Variants in SLIT1 observed in about 807,000 individuals in gnomAD.
The protein encoded by SLIT1 is slit homolog 1 protein.
In SLIT1, 66 loss-of-function variants were observed where a neutral mutation model predicts 186.1. The observed-to-expected ratio is 0.35, with a 90% CI of 0.29 to 0.44. The LOEUF is 0.44. Among genes scored for constraint, SLIT1 ranks in the 20% least tolerant of loss-of-function variants. The pLI is 1.00. For synonymous variants in SLIT1, 761 were observed against 833.8 expected, an observed-to-expected ratio of 0.91 and a Z score of 1.50; for missense variants, 1,638 against 2,037.4, an observed-to-expected ratio of 0.80 and a Z score of 3.77.
chr10:97,040,056 G>C lies in SLIT1; in HGVS notation c.2229C>G (p.Thr743=). The C allele has an allele frequency of 1.9e-6, 3 of 1,612,332 alleles. No individual in the cohort carries two copies. Among genetic ancestry groups the C allele is most frequent in the African/African-American group, 1.3e-5 (1 of 74,998 alleles). The change falls in exon 21 of 37, where the codon ACC becomes ACG. Residue 743 remains threonine (T), a synonymous_variant. Coordinates refer to ENST00000266058, the MANE Select transcript of SLIT1 (RefSeq NM_003061.3). ...GGTGCTTGTTGCTGCATCGGACCAC[G>C]GTGTCCAGGCAGGCGCACTCCTGTG... The part of the protein sequence containing the change: ...QCPQECACLD[T]VVRCSNKHLR...
At chr10:97,112,247 C>A (rs1476613863) in intron 4 of SLIT1, among the ~76,000 whole-genome samples, 2 of 151,980 alleles carry the variant, frequency 1.3e-5, no homozygotes, top group East Asian at 3.9e-4. Context: ...CACTCCCTGA[C>A]AGAGCGCCCT....
intron 1 of SLIT1, among the ~76,000 whole-genome samples, chr10:97,165,902 C>G (rs771412529): frequency 1.3e-5 from 2 of 152,154 alleles, no homozygotes. Context: ...CAGCCTCGCT[C>G]AGCCTCACCA....
At chr10:97,025,145 C>T (rs1848533749) in intron 25 of SLIT1, among the ~76,000 whole-genome samples, 2 of 152,130 alleles carry the variant, frequency 1.3e-5, no homozygotes, top group South Asian at 4.2e-4. Context: ...TGACAGGCGC[C>T]TGTAATCCCA....
intron 4 of SLIT1, among the ~76,000 whole-genome samples, chr10:97,143,801 G>T (rs781239444): frequency 4.6e-5 from 7 of 152,190 alleles, no homozygotes; most frequent in African/African-American, 7.2e-5. Context: ...CTGCCTCCAC[G>T]AACTTCTAAT....
chr10:97,034,589 C>CGTGAATGTGAGCCAGGGCTGAG, intron 22 of SLIT1, 47 bp from the exon 23 acceptor site: 1 of 1,527,260 alleles, frequency 6.5e-7, no homozygotes, highest in Non-Finnish European at 9.1e-7. Flanking sequence ...TCACTCAGCC[C>CGTGAATGTGAGCCAGGGCTGAG]TGGCTCACAT....
chr10:97,131,954 G>C (rs1849658520), intron 4 of SLIT1, among the ~76,000 whole-genome samples: 1 of 152,202 alleles, frequency 6.6e-6, no homozygotes, highest in Non-Finnish European at 1.5e-5. Context: ...ACCCAGCCCG[G>C]CCCCCAAGTC....
intron 11 of SLIT1, chr10:97,057,933 G>C: frequency 1.4e-6 from 1 of 714,714 alleles, no homozygotes; most frequent in Non-Finnish European, 2.6e-6. Context: ...TATCATAATC[G>C]GACCCCACAA....
At position 97,049,046 on chromosome 10, in the gene SLIT1, G is replaced by A; in HGVS notation, c.1374C>T (p.Pro458=). 6.2e-7 allele frequency: 1 copy of A among 1,613,176 alleles called. No homozygotes were observed. The highest frequency in any genetic ancestry group is 1.1e-5 in the South Asian group (1 of 91,084). Residue 458 remains proline (P), a synonymous_variant, in exon 14 of 37, where the codon CCC becomes CCT. Coordinates refer to ENST00000266058, the MANE Select transcript of SLIT1 (RefSeq NM_003061.3). ...CACAGCGGGCACCACTCGTCTCGAT[G>A]GGATTGGTGCGCAGGAAGTCTGCCA... ...KWLADFLRTN[P]IETSGARCAS...
intron 4 of SLIT1, among the ~76,000 whole-genome samples, chr10:97,137,241 A>G (rs1442397937): frequency 6.6e-6 from 1 of 152,102 alleles, no homozygotes; most frequent in Non-Finnish European, 1.5e-5. Context: ...GGAGAGAGAC[A>G]TCTTCGAGGC....
At chr10:97,013,061 C>T (rs536452407) in intron 30 of SLIT1, among the ~76,000 whole-genome samples, 52 of 152,352 alleles carry the variant, frequency 3.4e-4, no homozygotes, top group South Asian at 1.0e-3. Context: ...CCCAAACCTC[C>T]TGGGACCAGA....
intron 35 of SLIT1, 53 bp from the exon 36 acceptor site, chr10:97,002,422 C>A: frequency 7.2e-7 from 1 of 1,395,760 alleles, no homozygotes; most frequent in East Asian, 2.4e-5. Flanking sequence ...CAAGCCCCAC[C>A]TGACACAGCC....
At chr10:97,156,107 G>T (rs1264508854) in intron 4 of SLIT1, among the ~76,000 whole-genome samples, 1 of 152,220 alleles carries the variant, frequency 6.6e-6, no homozygotes, top group Non-Finnish European at 1.5e-5. Flanking sequence ...CAACCTATCA[G>T]TTACAGGAAA....
At chr10:97,081,815 T>A (rs1849108016) in intron 4 of SLIT1, among the ~76,000 whole-genome samples, 3 of 152,216 alleles carry the variant, frequency 2.0e-5, no homozygotes, top group Admixed American at 2.0e-4. Context: ...AAGGAGTCGC[T>A]GTCTGGGGAG....
At chr10:97,062,535 C>T (rs929581711) in intron 8 of SLIT1, among the ~76,000 whole-genome samples, 2 of 152,250 alleles carry the variant, frequency 1.3e-5, no homozygotes, top group African/African-American at 2.4e-5. Context: ...AAACACAATG[C>T]GGGACCTCAT....
chr10:97,009,150 T>A (rs939237368), intron 31 of SLIT1, among the ~76,000 whole-genome samples: 1 of 152,160 alleles, frequency 6.6e-6, no homozygotes, highest in African/African-American at 2.4e-5. Flanking sequence ...GTGCTGGGAT[T>A]ACAGGTGTGA....
chr10:97,025,297 C>CA (rs1332482801), intron 25 of SLIT1, among the ~76,000 whole-genome samples: 1 of 149,766 alleles, frequency 6.7e-6, no homozygotes, highest in African/African-American at 2.4e-5. Flanking sequence ...AAAACAAAAA[C>CA]AAAAAAACAA....
intron 4 of SLIT1, 89 bp from the exon 5 acceptor site, chr10:97,066,175 G>T: frequency 9.4e-7 from 1 of 1,066,664 alleles, no homozygotes; most frequent in Non-Finnish European, 1.4e-6. Context: ...AGCAGGGCAG[G>T]TGGGCTGGAG....
intron 4 of SLIT1, among the ~76,000 whole-genome samples, chr10:97,127,453 T>A (rs1332849675): frequency 6.6e-6 from 1 of 152,162 alleles, no homozygotes; most frequent in East Asian, 1.9e-4. Flanking sequence ...ACCTACCAGA[T>A]GCAAGGAAGA....
intron 4 of SLIT1, among the ~76,000 whole-genome samples, chr10:97,147,420 A>G (rs1849829331): frequency 6.6e-6 from 1 of 152,196 alleles, no homozygotes; most frequent in Non-Finnish European, 1.5e-5. Context: ...TGAAATGATA[A>G]ATATTATGTA....
Sources: allele counts gnomAD v4.1 joint callset (sites outside exome capture counted in the v4.1 genomes callset), GRCh38; gene constraint gnomAD v4.1.1; transcripts MANE v1.5; gene names NCBI Gene and HGNC (gene_info 2026-07-23, HGNC 2026-07-21).